Variants in MAD1L1 observed in about 807,000 individuals in gnomAD.
MAD1L1 encodes the protein mitotic arrest deficient 1 like 1.
Under a neutral mutation model 96.9 loss-of-function variants are expected in MAD1L1, and 95 were observed. That is an observed-to-expected ratio of 0.98 (90% CI 0.83 to 1.16). The LOEUF (loss-of-function observed/expected upper bound fraction) is 1.16. Among genes scored for constraint, MAD1L1 ranks in the 50% most tolerant of loss-of-function variants. The pLI is 0.00. For missense variants in MAD1L1, 1,007 were observed against 954.4 expected (o/e 1.06, Z -0.73); for synonymous variants, 473 against 396.6 (o/e 1.19, Z -2.29).
At position 2,130,580 on chromosome 7, in the gene MAD1L1, T is replaced by C. The variant is rs1223208898; in HGVS notation, c.1073+18572A>G. Among the ~76,000 whole-genome samples the C allele has an allele frequency of 3.9e-5, 6 of 152,240 alleles. No homozygotes were observed. The East Asian group carries it at 9.7e-4, about 25-fold the overall frequency. ...CAATTCCAAAGGTGTGTCCTATCAC[T>C]CCTACTTGTAAAAGAAAATAAAATG... On this transcript the variant is annotated intron_variant, in intron 11 of 18. Coordinates refer to ENST00000265854, the MANE Select transcript of MAD1L1 (RefSeq NM_001013836.2).
chr7:1,990,145 T>C (rs566698011), intron 14 of MAD1L1, among the ~76,000 whole-genome samples: 2 of 152,340 alleles, frequency 1.3e-5, no homozygotes, highest in Admixed American at 6.5e-5. Context: ...TCACGTGGCA[T>C]CGCTGAGTCT....
intron 18 of MAD1L1, among the ~76,000 whole-genome samples, chr7:1,882,830 T>C (rs1785769371): frequency 6.6e-6 from 1 of 152,228 alleles, no homozygotes; most frequent in South Asian, 2.1e-4. Context: ...GGGTCGGTGC[T>C]GAGGTGAGAA....
intron 16 of MAD1L1, among the ~76,000 whole-genome samples, chr7:1,950,312 G>A (rs1430105145): frequency 2.9e-5 from 4 of 136,510 alleles, no homozygotes; most frequent in Non-Finnish European, 6.8e-5. Flanking sequence ...CACACCATCC[G>A]TCTGTCCGTC....
At chr7:2,217,042 C>T (rs1793321808) in intron 7 of MAD1L1, among the ~76,000 whole-genome samples, 1 of 152,184 alleles carries the variant, frequency 6.6e-6, no homozygotes, top group East Asian at 1.9e-4. Flanking sequence ...GGGGAGCTCT[C>T]CAGGAGCAAA....
intron 18 of MAD1L1, among the ~76,000 whole-genome samples, chr7:1,893,151 C>T (rs1193594473): frequency 6.6e-6 from 1 of 152,162 alleles, no homozygotes; most frequent in African/African-American, 2.4e-5. Context: ...CAGCAGGTTC[C>T]CGCTGGGAAG....
intron 18 of MAD1L1, among the ~76,000 whole-genome samples, chr7:1,821,036 G>A (rs1489631269): frequency 2.3e-5 from 3 of 132,930 alleles, no homozygotes; most frequent in Non-Finnish European, 1.6e-5. Context: ...AGCCGAGATC[G>A]TGCCACTGCA....
At chr7:2,173,985 C>T (rs1222904844) in intron 10 of MAD1L1, among the ~76,000 whole-genome samples, 1 of 152,098 alleles carries the variant, frequency 6.6e-6, no homozygotes, top group Non-Finnish European at 1.5e-5. Context: ...GCTATTGTTG[C>T]TGTTGTTGGA....
intron 18 of MAD1L1, among the ~76,000 whole-genome samples, chr7:1,886,084 C>G (rs919626594): frequency 6.6e-6 from 1 of 152,256 alleles, no homozygotes; most frequent in African/African-American, 2.4e-5. Context: ...CAGCAACCTG[C>G]AGAGACCCGT....
chr7:1,970,068 G>A (rs528546995), intron 15 of MAD1L1, among the ~76,000 whole-genome samples: 61 of 152,290 alleles, frequency 4.0e-4, no homozygotes, highest in Admixed American at 1.5e-3. Flanking sequence ...GATCTCGCTC[G>A]AGGGCGTTGT....
At chr7:1,903,412 G>A (rs529473772) in intron 17 of MAD1L1, among the ~76,000 whole-genome samples, 17 of 144,270 alleles carry the variant, frequency 1.2e-4, no homozygotes, top group East Asian at 4.2e-4. Flanking sequence ...ACGTTCTTGC[G>A]GAACTCATGA....
intron 12 of MAD1L1, among the ~76,000 whole-genome samples, chr7:2,058,820 GC>G: frequency 8.3e-6 from 1 of 119,936 alleles, no homozygotes; most frequent in Non-Finnish European, 1.8e-5. Flanking sequence ...TGGGAGTGTG[GC>G]CAGAGGAGAG....
intron 15 of MAD1L1, 102 bp downstream of exon 15, chr7:1,980,351 T>A: frequency 1.1e-6 from 1 of 923,460 alleles, no homozygotes; most frequent in Admixed American, 2.3e-5. Context: ...AGGACACACC[T>A]GGGCGTATCT....
chr7:2,025,285 G>C (rs1245295236), intron 12 of MAD1L1, among the ~76,000 whole-genome samples: 7 of 152,338 alleles, frequency 4.6e-5, no homozygotes, highest in Middle Eastern at 3.4e-3. Context: ...AAAGAGCTAG[G>C]GAAGAGGAGA....
rs572024890 is a variant in MAD1L1 at position 2,210,560 on chromosome 7, G to A, written c.986+2652C>T. Among the ~76,000 whole-genome samples, 175 of 140,208 alleles carry A rather than the reference G, an allele frequency of 1.2e-3. 2 individuals are homozygous for A. Among genetic ancestry groups the A allele is most frequent in the African/African-American group, 4.8e-3 (157 of 33,038 alleles). 92.0% of individuals were successfully genotyped at this position (140,208 alleles called of 152,430 possible). A position where few individuals can be genotyped will look rare whatever the true frequency, so the allele number is the denominator to read the frequency against. On this transcript the variant is annotated intron_variant, in intron 10 of 18. Coordinates refer to ENST00000265854, the MANE Select transcript of MAD1L1 (RefSeq NM_001013836.2). ...CGTGGACTCTCTAGGAGCCGTATTC[G>A]GGACCGCCAGCCCGCATTCCCGTGG...
At chr7:1,817,762 G>T (rs1158790067) in intron 18 of MAD1L1, among the ~76,000 whole-genome samples, 1 of 152,098 alleles carries the variant, frequency 6.6e-6, no homozygotes, top group Non-Finnish European at 1.5e-5. Context: ...CCCTCCGCCC[G>T]GCAGCCCTCT....
chr7:1,951,293 C>A (rs1204565417), intron 16 of MAD1L1, among the ~76,000 whole-genome samples: 1 of 152,220 alleles, frequency 6.6e-6, no homozygotes, highest in African/African-American at 2.4e-5. Context: ...GGATGAAGGG[C>A]CTGAGGAAGG....
intron 17 of MAD1L1, among the ~76,000 whole-genome samples, chr7:1,906,946 A>G (rs1465241678): frequency 6.6e-6 from 1 of 152,228 alleles, no homozygotes; most frequent in African/African-American, 2.4e-5. Context: ...ATCCCTGAAC[A>G]TACAGCCTTC....
intron 11 of MAD1L1, 144 bp from the exon 12 acceptor site, chr7:2,069,482 C>A: frequency 1.4e-6 from 1 of 737,680 alleles, no homozygotes; most frequent in Non-Finnish European, 2.1e-6. Context: ...TTCCGCACTG[C>A]TGAATAGCTA....
intron 12 of MAD1L1, among the ~76,000 whole-genome samples, chr7:2,026,508 G>A (rs1783000871): frequency 6.6e-6 from 1 of 152,192 alleles, no homozygotes; most frequent in Non-Finnish European, 1.5e-5. Context: ...ATTTTCAAGT[G>A]TGTATGGGCC....
Sources: gnomAD v4.1 joint callset for allele counts (sites outside exome capture counted in the v4.1 genomes callset) on GRCh38, gnomAD v4.1.1 for gene constraint, MANE v1.5 for transcripts, NCBI Gene and HGNC (gene_info 2026-07-23, HGNC 2026-07-21) for gene names.